The following AMPD3 variants were observed in gnomAD, a reference collection of about 807,000 sequenced individuals.
The protein encoded by AMPD3 is AMP deaminase 3.
In AMPD3, 57 loss-of-function variants were observed where a neutral mutation model predicts 82.3. That is an observed-to-expected ratio of 0.69 (90% CI 0.56 to 0.86). The LOEUF (loss-of-function observed/expected upper bound fraction) is 0.86. Among genes scored for constraint, AMPD3 ranks in the 40% least tolerant of loss-of-function variants. The pLI is 0.00. For synonymous variants in AMPD3, 381 were observed against 394.7 expected, an observed-to-expected ratio of 0.97 and a Z score of 0.41; for missense variants, 870 against 1,003.8, an observed-to-expected ratio of 0.87 and a Z score of 1.80.
rs1343344338 is a variant in AMPD3 at position 10,505,965 on chromosome 11, A to C, written c.*81A>C. 6.5e-7 allele frequency: 1 copy of C among 1,538,134 alleles called. No individual in the cohort carries two copies. The highest frequency in any genetic ancestry group is 8.9e-7 in the Non-Finnish European group (1 of 1,117,512). ...CTAATAGTGGTCAAGATTCCGAACT[A>C]GGACTTTCCTCTGTGAAGAGGATGC... is the stretch of plus-strand genomic sequence containing the variant. On this transcript the variant is annotated 3_prime_UTR_variant, in exon 15 of 15. Transcript: ENST00000396553.
intron 3 of AMPD3, 148 bp downstream of exon 3, chr11:10,478,878 C>A: frequency 1.1e-6 from 1 of 936,350 alleles, no homozygotes; most frequent in Non-Finnish European, 1.7e-6. Flanking sequence ...ACAAGGAGGG[C>A]CCTAGCAGAG....
intron 4 of AMPD3, among the ~76,000 whole-genome samples, chr11:10,482,880 A>G (rs1848954682): frequency 6.6e-6 from 1 of 152,160 alleles, no homozygotes; most frequent in South Asian, 2.1e-4. Flanking sequence ...AATTGGTGGT[A>G]GGGTGGATCG....
chr11:10,504,989 C>G, intron 14 of AMPD3: 5 of 382,156 alleles, frequency 1.3e-5, no homozygotes, highest in Non-Finnish European at 1.8e-5. Flanking sequence ...TTCTGTCTTT[C>G]CCTCTAGCAT....
chr11:10,455,769 AACT>A (rs1848074139), intron 1 of AMPD3, among the ~76,000 whole-genome samples: 1 of 152,108 alleles, frequency 6.6e-6, no homozygotes, highest in Non-Finnish European at 1.5e-5. Flanking sequence ...TTGTATTAGC[AACT>A]GGGATTGAAG....
At chr11:10,505,145 C>A (rs1564860059) in intron 14 of AMPD3, 2 of 985,394 alleles carry the variant, frequency 2.0e-6, no homozygotes, top group Non-Finnish European at 2.4e-6. Context: ...ACTCAGACAT[C>A]TGTCATTTTT....
chr11:10,503,883 C>T (rs1423337653), intron 13 of AMPD3: 2 of 878,752 alleles, frequency 2.3e-6, no homozygotes, highest in Admixed American at 6.2e-5. Context: ...TCTTAGGACC[C>T]TCAGGGGTCC....
At position 10,484,836 on chromosome 11, in the gene AMPD3, A is replaced by G; in HGVS notation, c.606A>G (p.Pro202=). The change falls in exon 5 of 15, where the codon CCA becomes CCG. Residue 202 remains proline (P), a synonymous_variant. Transcript: ENST00000396553. ...EEGLPDFHPP[P]LPQEDPYCLD... ...GTTTTGCAGACTTCCACCCTCCTCCACTGCCCCAGGAAGACCCCTACTGCC... is the reference window on the plus strand; with the variant it reads ...GTTTTGCAGACTTCCACCCTCCTCCGCTGCCCCAGGAAGACCCCTACTGCC... The G allele has an allele frequency of 1.9e-6, 3 of 1,613,866 alleles. No homozygotes were observed. The highest frequency in any genetic ancestry group is 2.5e-6 in the Non-Finnish European group (3 of 1,179,974).
rs149098413 is a variant in AMPD3, at chr11:10,491,098, C to A, written c.940-2251C>A. 1.7e-3 allele frequency among the ~76,000 whole-genome samples: 254 copies of A among 152,316 alleles called. 2 individuals are homozygous for A. Among genetic ancestry groups the A allele is most frequent in the African/African-American group, 5.6e-3 (234 of 41,580 alleles). Reference sequence around the variant, plus strand: ...AGCCAGCCGTGGACAGCATTCCCTGCCCTGAGGTCAGCCGCCTCCTCACCC... The same window carrying A: ...AGCCAGCCGTGGACAGCATTCCCTGACCTGAGGTCAGCCGCCTCCTCACCC... On this transcript the variant is annotated intron_variant, in intron 6 of 14. Coordinates refer to ENST00000396553, the MANE Select transcript of AMPD3 (RefSeq NM_001025389.2).
At chr11:10,497,522 T>C (rs1006794478) in intron 10 of AMPD3, 1 of 957,096 alleles carries the variant, frequency 1.0e-6, no homozygotes, top group Non-Finnish European at 1.2e-6. Context: ...TATCAGATGG[T>C]GATACAGGCC....
chr11:10,496,247 G>C (rs1357540701), intron 9 of AMPD3: 1 of 985,264 alleles, frequency 1.0e-6, no homozygotes, highest in Non-Finnish European at 1.2e-6. Context: ...GAAAAATATA[G>C]ATGTGCAAAG....
At chr11:10,497,746 T>A (rs1249004413) in intron 10 of AMPD3, 2 of 984,304 alleles carry the variant, frequency 2.0e-6, no homozygotes, top group Non-Finnish European at 2.4e-6. Context: ...GGGGTGAGAG[T>A]CAGGGGCCTG....
intron 3 of AMPD3, 35 bp downstream of exon 3, chr11:10,478,765 C>A (rs750237921): frequency 2.5e-5 from 40 of 1,602,358 alleles, no homozygotes; most frequent in Admixed American, 1.7e-4. Flanking sequence ...ATGTGCCTTG[C>A]ATGCAAAGGC....
At chr11:10,463,490 A>G (rs954691259) in intron 2 of AMPD3, among the ~76,000 whole-genome samples, 1 of 152,218 alleles carries the variant, frequency 6.6e-6, no homozygotes, top group Non-Finnish European at 1.5e-5. Flanking sequence ...CCGTGGGTGG[A>G]ACAGAAGGGC....
intron 2 of AMPD3, among the ~76,000 whole-genome samples, chr11:10,473,177 C>T (rs540903881): frequency 2.6e-5 from 4 of 152,010 alleles, no homozygotes; most frequent in Admixed American, 6.6e-5. Flanking sequence ...GGCTGAGGCA[C>T]GAGAATTGCT....
intron 6 of AMPD3, among the ~76,000 whole-genome samples, chr11:10,492,338 G>A (rs1219793730): frequency 6.6e-6 from 1 of 152,250 alleles, no homozygotes; most frequent in Non-Finnish European, 1.5e-5. Context: ...CAGTAGAGCG[G>A]CTTCCAGTAG....
intron 5 of AMPD3, among the ~76,000 whole-genome samples, chr11:10,485,849 C>T (rs993487848): frequency 4.0e-5 from 6 of 150,760 alleles, no homozygotes; most frequent in Non-Finnish European, 8.9e-5. Context: ...AATTTGGCCC[C>T]TCACTTCTTG....
At chr11:10,486,201 C>T (rs1240537189) in intron 5 of AMPD3, among the ~76,000 whole-genome samples, 1 of 152,146 alleles carries the variant, frequency 6.6e-6, no homozygotes, top group Non-Finnish European at 1.5e-5. Context: ...GTGAGATGGC[C>T]TTTAAACTCC....
intron 3 of AMPD3, among the ~76,000 whole-genome samples, chr11:10,480,857 C>G (rs1353426891): frequency 1.3e-5 from 2 of 152,218 alleles, no homozygotes; most frequent in Non-Finnish European, 2.9e-5. Context: ...TATGGTGCCT[C>G]CCTCTGCTGT....
At chr11:10,494,038 T>G (rs1849317739) in intron 7 of AMPD3, among the ~76,000 whole-genome samples, 1 of 152,204 alleles carries the variant, frequency 6.6e-6, no homozygotes, top group East Asian at 1.9e-4. Context: ...ATACCAATGT[T>G]CATAGCAGTA....
Sources: gnomAD v4.1 joint callset for allele counts (sites outside exome capture counted in the v4.1 genomes callset) on GRCh38, gnomAD v4.1.1 for gene constraint, MANE v1.5 for transcripts, NCBI Gene and HGNC (gene_info 2026-07-23, HGNC 2026-07-21) for gene names.